The following SETDB1 variants were observed in gnomAD, a reference collection of about 807,000 sequenced individuals.
SETDB1 encodes the protein SET domain bifurcated histone lysine methyltransferase 1.
Under a neutral mutation model 137.4 loss-of-function variants are expected in SETDB1, and 31 were observed. The observed-to-expected ratio is 0.23, with a 90% CI of 0.17 to 0.30. The LOEUF is 0.30. Among genes scored for constraint, SETDB1 ranks in the 10% least tolerant of loss-of-function variants. SETDB1 has a pLI of 1.00. For missense variants in SETDB1, 1,113 were observed against 1,631.5 expected, an observed-to-expected ratio of 0.68 and a Z score of 5.47; for synonymous variants, 548 against 579.9, an observed-to-expected ratio of 0.95 and a Z score of 0.79.
intron 3 of SETDB1, among the ~76,000 whole-genome samples, chr1:150,939,579 C>T (rs1056126471): frequency 3.3e-5 from 5 of 152,038 alleles, no homozygotes; most frequent in Non-Finnish European, 7.4e-5. Context: ...CCCACCTTGG[C>T]CTTCCAAAGT....
At chr1:150,926,958 G>A in intron 1 of SETDB1, 3 of 420,696 alleles carry the variant, frequency 7.1e-6, no homozygotes, top group Non-Finnish European at 9.7e-6. Context: ...AACAAGTAAT[G>A]AAAGAGAAAA....
chr1:150,930,633 A>G (rs763263499), intron 3 of SETDB1, among the ~76,000 whole-genome samples: 9 of 146,088 alleles, frequency 6.2e-5, no homozygotes, highest in Admixed American at 1.4e-4. Context: ...GGTTCAAGCA[A>G]TTCTCTGCTT....
At chr1:150,964,188 C>T (rs1571667488) in intron 21 of SETDB1, 59 bp from the exon 22 acceptor site, 3 of 1,548,408 alleles carry the variant, frequency 1.9e-6, no homozygotes, top group Non-Finnish European at 2.7e-6. Context: ...ATTCAGTAAC[C>T]CCAAGTGCCT....
At chr1:150,926,659 G>C (rs1669529997) in intron 1 of SETDB1, 142 bp downstream of exon 1, 2 of 498,136 alleles carry the variant, frequency 4.0e-6, no homozygotes, top group Non-Finnish European at 8.2e-6. Flanking sequence ...TTGCGAATGG[G>C]TAGGACGCAC....
intron 3 of SETDB1, 102 bp downstream of exon 3, chr1:150,930,220 T>C: frequency 9.8e-7 from 1 of 1,020,766 alleles, no homozygotes; most frequent in Non-Finnish European, 1.4e-6. Flanking sequence ...CCATTGTCAC[T>C]AACTCCATAT....
intron 3 of SETDB1, among the ~76,000 whole-genome samples, chr1:150,930,805 G>A (rs1033594499): frequency 1.3e-5 from 2 of 151,772 alleles, no homozygotes; most frequent in African/African-American, 4.8e-5. Flanking sequence ...CAAAGTGCTG[G>A]GATTACAGGC....
intron 3 of SETDB1, among the ~76,000 whole-genome samples, chr1:150,937,208 A>G (rs1571631439): frequency 7.0e-6 from 1 of 143,682 alleles, no homozygotes; most frequent in African/African-American, 2.5e-5. Context: ...GAAAAAAAAA[A>G]GACAAACATA....
At chr1:150,940,233 A>G (rs1303600928) in intron 4 of SETDB1, among the ~76,000 whole-genome samples, 1 of 152,124 alleles carries the variant, frequency 6.6e-6, no homozygotes, top group Non-Finnish European at 1.5e-5. Context: ...AAAGCTTCCT[A>G]ACATTGAAAC....
intron 3 of SETDB1, among the ~76,000 whole-genome samples, chr1:150,935,789 C>G (rs920185763): frequency 6.6e-6 from 1 of 152,068 alleles, no homozygotes; most frequent in Non-Finnish European, 1.5e-5. Context: ...AATTTCCTAT[C>G]GTTCTTTGAG....
chr1:150,960,477 G>GGA, intron 15 of SETDB1, 86 bp from the exon 16 acceptor site: 2 of 751,854 alleles, frequency 2.7e-6, no homozygotes, highest in Non-Finnish European at 3.8e-6. Flanking sequence ...ACTCCATCTG[G>GGA]AAAAAAAAAA....
chr1:150,934,983 G>A lies in SETDB1; in HGVS notation c.412+4865G>A, dbSNP rs144007299. Among the ~76,000 whole-genome samples the A allele has an allele frequency of 3.3e-5, 5 of 152,162 alleles. No individual in the cohort carries two copies. The East Asian group carries it at 5.8e-4, about 18-fold the overall frequency. ...ACTACAGGTGTGCACCACCACGCCC[G>A]GCTAATTTTGTCTTTTTAGTAGAGA... On this transcript the variant is annotated intron_variant, in intron 3 of 21. Coordinates refer to ENST00000692827, the MANE Select transcript of SETDB1 (RefSeq NM_001366418.1).
intron 14 of SETDB1, among the ~76,000 whole-genome samples, chr1:150,953,349 ACC>A (rs1389911816): frequency 6.6e-6 from 1 of 151,942 alleles, no homozygotes. Context: ...ATATGGTGAA[ACC>A]CCATCTCTAC....
chr1:150,951,201 C>T lies in SETDB1; in HGVS notation c.2216+111C>T, dbSNP rs1342750435. 12 of 1,282,702 alleles carry T rather than the reference C, an allele frequency of 9.4e-6. No individual in the cohort carries two copies. In the East Asian group the frequency reaches 2.8e-4, roughly 30 times the overall value. The allele number at this position is 1,282,702 out of a possible 1,614,324, so 79.5% of individuals were successfully genotyped here. A position where few individuals can be genotyped will look rare whatever the true frequency, so the allele number is the denominator to read the frequency against. ...TGCTTTCCCCATCTTCCTTTACCTCCTCCCTCACCTGGAACTCCTGCTATA... is the reference window on the plus strand; with the variant it reads ...TGCTTTCCCCATCTTCCTTTACCTCTTCCCTCACCTGGAACTCCTGCTATA... On this transcript the variant is annotated intron_variant, in intron 13 of 21. Coordinates refer to ENST00000692827, the MANE Select transcript of SETDB1 (RefSeq NM_001366418.1).
At chr1:150,959,086 A>G in intron 14 of SETDB1, 92 bp from the exon 15 acceptor site, 2 of 900,666 alleles carry the variant, frequency 2.2e-6, no homozygotes, top group Middle Eastern at 2.3e-4. Context: ...CACATTATAA[A>G]TGATGATAGC....
chr1:150,941,123 A>T (rs587728729), intron 4 of SETDB1, among the ~76,000 whole-genome samples: 2 of 152,232 alleles, frequency 1.3e-5, no homozygotes, highest in Admixed American at 1.3e-4. Flanking sequence ...AGATTGTGCC[A>T]TTGCACTCCA....
intron 16 of SETDB1, chr1:150,961,641 G>A (rs587755553): frequency 1.6e-3 from 278 of 169,582 alleles, no homozygotes; most frequent in Non-Finnish European, 2.6e-3. Context: ...GTGACAGAAC[G>A]AGACTCTGTC....
Position 150,959,337 on chromosome 1 carries a change from T to C in SETDB1, c.2493T>C (p.Cys831=). The C allele has an allele frequency of 6.2e-7, 1 of 1,603,818 alleles. No individual in the cohort carries two copies. The highest frequency in any genetic ancestry group is 8.5e-7 in the Non-Finnish European group (1 of 1,176,534). Residue 831 remains cysteine, a synonymous_variant, in exon 15 of 22, where the codon TGT becomes TGC. Transcript: ENST00000692827. ...LDDIAKGSFV[C]IYAGKILTDD... Reference sequence around the variant, plus strand: ...ACATTGCCAAAGGCTCTTTTGTTTGTATTTATGCAGGTTGGTGATAAAATA... The same window carrying C: ...ACATTGCCAAAGGCTCTTTTGTTTGCATTTATGCAGGTTGGTGATAAAATA...
intron 3 of SETDB1, among the ~76,000 whole-genome samples, chr1:150,930,840 C>G (rs1256532827): frequency 1.3e-5 from 2 of 151,930 alleles, no homozygotes; most frequent in African/African-American, 4.8e-5. Context: ...CCAGCCAATT[C>G]CTTAGGTTTT....
At chr1:150,943,778 A>G in intron 7 of SETDB1, 142 bp from the exon 8 acceptor site, 2 of 573,358 alleles carry the variant, frequency 3.5e-6, no homozygotes, top group Non-Finnish European at 6.2e-6. Context: ...AAAAACAGGA[A>G]GAAAGTAGTG....
Sources: allele counts gnomAD v4.1 joint callset (sites outside exome capture counted in the v4.1 genomes callset), GRCh38; gene constraint gnomAD v4.1.1; transcripts MANE v1.5; gene names NCBI Gene and HGNC (gene_info 2026-07-23, HGNC 2026-07-21).